PSMD14: variants seen among roughly 807,000 people sequenced by gnomAD.
PSMD14 encodes proteasome 26S subunit, non-ATPase 14.
PSMD14 carries 7 observed loss-of-function variants against 41.2 expected under a neutral mutation model. That is an observed-to-expected ratio of 0.17 (90% CI 0.10 to 0.32). The LOEUF (loss-of-function observed/expected upper bound fraction) is 0.32. Among genes scored for constraint, PSMD14 ranks in the 10% least tolerant of loss-of-function variants. The pLI is 1.00. For synonymous variants in PSMD14, 114 were observed against 122.3 expected (o/e 0.93, Z 0.45); for missense variants, 139 against 375.6 (o/e 0.37, Z 5.21).
intron 7 of PSMD14, among the ~76,000 whole-genome samples, chr2:161,376,750 CTG>C (rs1194879408): frequency 6.6e-6 from 1 of 151,858 alleles, no homozygotes; most frequent in African/African-American, 2.4e-5. Context: ...ATTCATCTGT[CTG>C]TGTTGTCTTC....
At chr2:161,336,602 A>T (rs1682874375) in intron 3 of PSMD14, among the ~76,000 whole-genome samples, 1 of 151,930 alleles carries the variant, frequency 6.6e-6, no homozygotes, top group Admixed American at 6.6e-5. Context: ...TTGAGACGGA[A>T]TCTTGCTCTG....
At chr2:161,361,396 G>T (rs1683287756) in intron 3 of PSMD14, among the ~76,000 whole-genome samples, 1 of 151,600 alleles carries the variant, frequency 6.6e-6, no homozygotes, top group African/African-American at 2.4e-5. Flanking sequence ...ATTAGCCACA[G>T]AACAGCCTCA....
At chr2:161,407,314 T>C (rs547389244) in intron 10 of PSMD14, among the ~76,000 whole-genome samples, 6 of 152,272 alleles carry the variant, frequency 3.9e-5, no homozygotes, top group Non-Finnish European at 8.8e-5. Context: ...TAGAGTGACA[T>C]CTGACTCTGA....
At chr2:161,326,917 T>C (rs536192789) in intron 3 of PSMD14, among the ~76,000 whole-genome samples, 1 of 152,356 alleles carries the variant, frequency 6.6e-6, no homozygotes, top group Non-Finnish European at 1.5e-5. Flanking sequence ...ATTGTTGTAT[T>C]GTTATTTTTT....
At chr2:161,360,657 A>G (rs1291240890) in intron 3 of PSMD14, among the ~76,000 whole-genome samples, 2 of 151,430 alleles carry the variant, frequency 1.3e-5, no homozygotes, top group South Asian at 2.1e-4. Context: ...GCCCAGCCCT[A>G]TTCTGGGTAG....
At chr2:161,361,468 T>TCC (rs1553506342) in intron 3 of PSMD14, among the ~76,000 whole-genome samples, 1 of 151,536 alleles carries the variant, frequency 6.6e-6, no homozygotes, top group Non-Finnish European at 1.5e-5. Flanking sequence ...ATTTTTTTTT[T>TCC]CACATACATA....
intron 8 of PSMD14, among the ~76,000 whole-genome samples, chr2:161,387,502 C>T (rs1267401677): frequency 6.6e-6 from 1 of 151,888 alleles, no homozygotes; most frequent in Non-Finnish European, 1.5e-5. Flanking sequence ...CTGGTGGTCA[C>T]TAATGATTTT....
intron 3 of PSMD14, among the ~76,000 whole-genome samples, chr2:161,358,290 A>G (rs549634433): frequency 1.4e-4 from 21 of 152,316 alleles, no homozygotes; most frequent in African/African-American, 4.8e-4. Context: ...TCATGTGATC[A>G]CTTAGTCCAT....
At chr2:161,408,768 G>T in intron 10 of PSMD14, 69 bp from the exon 11 acceptor site, 2 of 1,160,674 alleles carry the variant, frequency 1.7e-6, no homozygotes, top group African/African-American at 1.6e-5. Context: ...CATTATTTTT[G>T]GTGATTATCC....
intron 3 of PSMD14, among the ~76,000 whole-genome samples, chr2:161,345,148 G>A (rs528270123): frequency 4.7e-5 from 7 of 149,434 alleles, no homozygotes; most frequent in African/African-American, 1.7e-4. Context: ...TCATTTAATT[G>A]TCTTGGTCCC....
intron 8 of PSMD14, among the ~76,000 whole-genome samples, chr2:161,388,155 A>G (rs1424827202): frequency 1.3e-5 from 2 of 152,222 alleles, no homozygotes; most frequent in East Asian, 1.9e-4. Flanking sequence ...TCTCATGGAA[A>G]TTTACTAAAT....
intron 3 of PSMD14, among the ~76,000 whole-genome samples, chr2:161,337,021 C>T (rs1347686798): frequency 6.6e-6 from 1 of 152,130 alleles, no homozygotes; most frequent in Non-Finnish European, 1.5e-5. Flanking sequence ...TTGGAAGTAA[C>T]TTATTCAAAG....
At chr2:161,380,396 A>C (rs1683557471) in intron 7 of PSMD14, among the ~76,000 whole-genome samples, 1 of 152,118 alleles carries the variant, frequency 6.6e-6, no homozygotes, top group Admixed American at 6.6e-5. Context: ...TTACCATACT[A>C]GTTTCTAAAG....
intron 3 of PSMD14, among the ~76,000 whole-genome samples, chr2:161,342,023 TTG>T (rs1409806498): frequency 1.3e-5 from 2 of 152,122 alleles, no homozygotes; most frequent in Non-Finnish European, 2.9e-5. Context: ...CCATTTTGAA[TTG>T]TGTTTTATAT....
chr2:161,379,994 GT>G (rs1283557385), intron 7 of PSMD14, among the ~76,000 whole-genome samples: 7 of 152,058 alleles, frequency 4.6e-5, no homozygotes, highest in Non-Finnish European at 1.0e-4. Context: ...AAAGCTGGAG[GT>G]TGTGAGTCAG....
chr2:161,381,553 T>C (rs1041069273), intron 7 of PSMD14: 3 of 151,886 alleles, frequency 2.0e-5, no homozygotes, highest in Non-Finnish European at 4.4e-5. Context: ...CCTTCGGATG[T>C]AAAAATTGGG....
chr2:161,405,828 G>A (rs1683940496), intron 10 of PSMD14, among the ~76,000 whole-genome samples: 2 of 152,138 alleles, frequency 1.3e-5, no homozygotes, highest in Admixed American at 6.6e-5. Flanking sequence ...GCATGTTATA[G>A]TGCGAACAAA....
In PSMD14 at chr2:161,367,828, T is replaced by C. The variant is rs760429104; in HGVS notation, c.165T>C (p.Gly55=). The change falls in exon 5 of 12, where the codon GGT becomes GGC. Residue 55 remains glycine (G), a synonymous_variant. Coordinates refer to ENST00000409682, the MANE Select transcript of PSMD14 (RefSeq NM_005805.6). The part of the protein sequence containing the change: ...GRAGVPMEVM[G]LMLGEFVDDY... ...CTGGAGTTCCAATGGAAGTTATGGG[T>C]TTGATGCTTGGAGAATTTGTTGATG... 4 of 1,613,480 alleles carry C rather than the reference T, an allele frequency of 2.5e-6. No individual in the cohort carries two copies. The highest frequency in any genetic ancestry group is 3.4e-6 in the Non-Finnish European group (4 of 1,179,646).
Position 161,395,345 on chromosome 2 carries a change from C to G in PSMD14, c.771+142C>G, listed in dbSNP as rs74733151. 61,206 of 783,096 alleles carry G rather than the reference C, an allele frequency of 0.078. 2,770 individuals carry two copies. The highest frequency in any genetic ancestry group is 0.12 in the East Asian group (4,039 of 33,706). 48.5% of individuals were successfully genotyped at this position (783,096 alleles called of 1,614,324 possible). A position where few individuals can be genotyped will look rare whatever the true frequency, so the allele number is the denominator to read the frequency against. ...ATATTTGCTTTGCAGTTCATCTGGT[C>G]TGCAACTACTCACCCTTGCCTTTGT... On this transcript the variant is annotated intron_variant, in intron 10 of 11. Coordinates refer to ENST00000409682, the MANE Select transcript of PSMD14 (RefSeq NM_005805.6).
Sources: allele counts gnomAD v4.1 joint callset (sites outside exome capture counted in the v4.1 genomes callset), GRCh38; gene constraint gnomAD v4.1.1; transcripts MANE v1.5; gene names NCBI Gene and HGNC (gene_info 2026-07-23, HGNC 2026-07-21).